The following UBR1 variants were observed in gnomAD, a reference collection of about 807,000 sequenced individuals.
UBR1 encodes the protein ubiquitin protein ligase E3 component n-recognin 1, also known as E3 ubiquitin-protein ligase UBR1.
Under a neutral mutation model 242.1 loss-of-function variants are expected in UBR1, and 102 were observed. The observed-to-expected ratio is 0.42, with a 90% CI of 0.36 to 0.50. The LOEUF (loss-of-function observed/expected upper bound fraction) is 0.50, where lower values mean the gene tolerates loss of function less well. Among genes scored for constraint, UBR1 ranks in the 20% least tolerant of loss-of-function variants. The pLI is 0.01. For synonymous variants in UBR1, 675 were observed against 684.8 expected (o/e 0.99, Z 0.22); for missense variants, 1,772 against 2,101.8 (o/e 0.84, Z 3.07).
intron 1 of UBR1, among the ~76,000 whole-genome samples, chr15:43,091,680 C>G (rs1265308871): frequency 1.3e-5 from 2 of 151,550 alleles, no homozygotes; most frequent in Non-Finnish European, 2.9e-5. Context: ...GGCTGTAATC[C>G]CAGTACTATG....
At chr15:43,004,596 G>T (rs1322254175) in intron 30 of UBR1, among the ~76,000 whole-genome samples, 2 of 152,236 alleles carry the variant, frequency 1.3e-5, no homozygotes, top group Non-Finnish European at 2.9e-5. Context: ...GGCCGGGCTG[G>T]TCTCCAGCTC....
intron 15 of UBR1, among the ~76,000 whole-genome samples, chr15:43,038,881 T>G (rs910075588): frequency 6.6e-6 from 1 of 152,030 alleles, no homozygotes; most frequent in Admixed American, 6.5e-5. Context: ...TAACAAAAAT[T>G]TTTATTTTCA....
chr15:43,088,813 T>C (rs1017710760), intron 1 of UBR1, among the ~76,000 whole-genome samples: 1 of 151,484 alleles, frequency 6.6e-6, no homozygotes, highest in Non-Finnish European at 1.5e-5. Flanking sequence ...TTGACTTTGT[T>C]AGACAAGTGT....
At chr15:43,057,682 A>G (rs1040122309) in intron 10 of UBR1, among the ~76,000 whole-genome samples, 1 of 152,100 alleles carries the variant, frequency 6.6e-6, no homozygotes, top group Non-Finnish European at 1.5e-5. Context: ...TAGCATACAC[A>G]TCTGTTCTTC....
intron 23 of UBR1, 164 bp from the exon 24 acceptor site, chr15:43,025,593 A>T (rs1224097507): frequency 2.6e-5 from 16 of 612,978 alleles, no homozygotes; most frequent in Non-Finnish European, 4.6e-5. Flanking sequence ...TGTTCTAGAG[A>T]AACCTAATGC....
intron 6 of UBR1, among the ~76,000 whole-genome samples, chr15:43,065,817 T>G (rs555529948): frequency 6.6e-6 from 1 of 152,322 alleles, no homozygotes; most frequent in South Asian, 2.1e-4. Context: ...TTGGTGAGGT[T>G]GTTGGTTTTT....
rs1459396268 is a variant in UBR1, at chr15:43,091,290, A to G, written c.82-5050T>C. ...ACTGGCTTGTTCAATTTCACATTAT[A>G]GGTTGGGCATCCCACACCCAAAAAT... On this transcript the variant is annotated intron_variant, in intron 1 of 46. Coordinates refer to ENST00000290650, the MANE Select transcript of UBR1 (RefSeq NM_174916.3). Among the ~76,000 whole-genome samples the G allele has an allele frequency of 9.8e-5, 15 of 152,308 alleles. No homozygotes were observed. The East Asian group carries it at 2.7e-3, about 27-fold the overall frequency.
Position 42,944,176 on chromosome 15 carries a change from T to C in UBR1, c.*1153A>G, listed in dbSNP as rs2031695256. ...GGTTTCCATTTATCTTCTGCTGTTT[T>C]ATATCACAATCTCTTGATACAAAAA... is the stretch of plus-strand genomic sequence containing the variant. On this transcript the variant is annotated 3_prime_UTR_variant, in exon 47 of 47. Transcript: ENST00000290650. The C allele has an allele frequency of 2.0e-5, 3 of 152,534 alleles. No homozygotes were observed. The highest frequency in any genetic ancestry group is 7.2e-5 in the African/African-American group (3 of 41,458). 9.4% of individuals were successfully genotyped at this position (152,534 alleles called of 1,614,324 possible).
intron 44 of UBR1, among the ~76,000 whole-genome samples, chr15:42,955,885 C>T (rs2031911305): frequency 1.3e-5 from 2 of 152,180 alleles, no homozygotes; most frequent in African/African-American, 4.8e-5. Flanking sequence ...TATGCTCTTA[C>T]AGAAGTAACT....
At chr15:42,993,593 C>G (rs1342230105) in intron 33 of UBR1, among the ~76,000 whole-genome samples, 1 of 152,024 alleles carries the variant, frequency 6.6e-6, no homozygotes, top group Non-Finnish European at 1.5e-5. Context: ...GTCTTGAACT[C>G]CTGGCCTCAA....
At position 42,952,215 on chromosome 15, in the gene UBR1, C is replaced by A. The variant is rs1054469647; in HGVS notation, c.5006+63G>T. On this transcript the variant is annotated intron_variant, in intron 45 of 46. Transcript: ENST00000290650. ...TCAACACACTGTCCCACCATAGTGA[C>A]CCCCAGATTGGATCCAGATTCCTTA... 16 of 1,600,130 alleles carry A rather than the reference C, an allele frequency of 1.0e-5. No homozygotes were observed. In the African/African-American group the frequency reaches 2.1e-4, roughly 21 times the overall value.
In UBR1 at chr15:42,944,813, C is replaced by T. The variant is rs942523081; in HGVS notation, c.*516G>A. ...AGCAGGTGGCACATTAGGGGTATTT[C>T]CTTAAAAGAGAAATAATAAAAAATT... On this transcript the variant is annotated 3_prime_UTR_variant, in exon 47 of 47. Coordinates refer to ENST00000290650, the MANE Select transcript of UBR1 (RefSeq NM_174916.3). 3 of 176,196 alleles carry T rather than the reference C, an allele frequency of 1.7e-5. No homozygotes were observed. Among genetic ancestry groups the T allele is most frequent in the East Asian group, 1.6e-4 (1 of 6,248 alleles). 10.9% of individuals were successfully genotyped at this position (176,196 alleles called of 1,614,324 possible).
intron 6 of UBR1, among the ~76,000 whole-genome samples, chr15:43,064,608 G>A (rs1300071536): frequency 7.1e-6 from 1 of 141,222 alleles, no homozygotes; most frequent in Non-Finnish European, 1.5e-5. Flanking sequence ...ATAGAATCTC[G>A]CTCCGTTGCC....
intron 4 of UBR1, 96 bp downstream of exon 4, chr15:43,074,883 G>C (rs28487282): frequency 2.9e-6 from 3 of 1,024,266 alleles, no homozygotes; most frequent in Non-Finnish European, 3.1e-6. Flanking sequence ...AAAAACAGCA[G>C]GGTTCTAACT....
chr15:42,966,678 A>C (rs901835994), intron 40 of UBR1, among the ~76,000 whole-genome samples: 1 of 133,398 alleles, frequency 7.5e-6, no homozygotes, highest in Non-Finnish European at 1.6e-5. Context: ...ACGCTGACTC[A>C]AAAAAAAAAA....
At chr15:43,039,968 T>A (rs2033394273) in intron 15 of UBR1, among the ~76,000 whole-genome samples, 1 of 152,186 alleles carries the variant, frequency 6.6e-6, no homozygotes, top group South Asian at 2.1e-4. Context: ...TCTGTTTATA[T>A]GCTGGATTAC....
At chr15:42,945,607 A>ATCCC in intron 46 of UBR1, 137 bp from the exon 47 acceptor site, 7 of 970,544 alleles carry the variant, frequency 7.2e-6, no homozygotes, top group Admixed American at 2.3e-5. Context: ...AAAAAGGGAT[A>ATCCC]TTTTCCCTTC....
At position 43,030,043 on chromosome 15, in the gene UBR1, T is replaced by C. The variant is rs757130636; in HGVS notation, c.2280A>G (p.Gly760=). The C allele has an allele frequency of 5.0e-6, 8 of 1,613,868 alleles. No individual in the cohort carries two copies. The highest frequency in any genetic ancestry group is 6.8e-6 in the Non-Finnish European group (8 of 1,179,954). ...IVGERYVPGV[G]NVTKEEVTMR... ...TTGTGACCTCTTCTTTGGTCACATT[T>C]CCCACTCCAGGTACATAACGCTCAC... Residue 760 remains glycine, a synonymous_variant, in exon 21 of 47, where the codon GGA becomes GGG. Coordinates refer to ENST00000290650, the MANE Select transcript of UBR1 (RefSeq NM_174916.3).
chr15:43,082,092 AT>A (rs1491539938), intron 3 of UBR1, among the ~76,000 whole-genome samples: 1 of 152,034 alleles, frequency 6.6e-6, no homozygotes, highest in African/African-American at 2.4e-5. Context: ...TGAAAACTAC[AT>A]TTTTTTCCTG....
Sources: allele counts gnomAD v4.1 joint callset (sites outside exome capture counted in the v4.1 genomes callset), GRCh38; gene constraint gnomAD v4.1.1; transcripts MANE v1.5; gene names NCBI Gene and HGNC (gene_info 2026-07-23, HGNC 2026-07-21).